RSU1: variants seen among roughly 807,000 people sequenced by gnomAD.
The protein encoded by RSU1 is Ras suppressor protein 1.
RSU1 carries 26 observed loss-of-function variants against 31.1 expected under a neutral mutation model. The observed-to-expected ratio is 0.84, with a 90% CI of 0.61 to 1.16. RSU1 has a LOEUF of 1.16. RSU1 is among the 50% of genes most tolerant of loss of function. The pLI is 0.00. For missense variants in RSU1, 320 were observed against 339.1 expected (o/e 0.94, Z 0.44); for synonymous variants, 164 against 136.3 (o/e 1.20, Z -1.41).
Position 16,636,195 on chromosome 10 carries a change from C to G in RSU1, c.732-42699G>C, listed in dbSNP as rs150458444. ...AATCCTGCCTCCAGATGCCTAGAGC[C>G]ACCTGCCTACTGAATATCTCCACTT... On this transcript the variant is annotated intron_variant, in intron 8 of 8. Transcript: ENST00000345264. 1.2e-3 allele frequency among the ~76,000 whole-genome samples: 177 copies of G among 152,294 alleles called. 1 individual carries two copies. Among genetic ancestry groups the G allele is most frequent in the African/African-American group, 4.1e-3 (170 of 41,560 alleles).
intron 4 of RSU1, among the ~76,000 whole-genome samples, chr10:16,759,521 TA>T (rs1310029517): frequency 6.6e-6 from 1 of 152,006 alleles, no homozygotes; most frequent in Non-Finnish European, 1.5e-5. Flanking sequence ...AATATATAAA[TA>T]AATAATCCAA....
intron 7 of RSU1, among the ~76,000 whole-genome samples, chr10:16,707,527 G>T (rs3951063): frequency 0.44 from 66,340 of 150,814 alleles, 15,133 homozygotes; most frequent in East Asian, 0.7. Context: ...TGTCTGCTTT[G>T]GACACATGTC....
At chr10:16,808,497 A>AC (rs1454571661) in intron 2 of RSU1, among the ~76,000 whole-genome samples, 3 of 151,282 alleles carry the variant, frequency 2.0e-5, no homozygotes, top group Admixed American at 6.6e-5. Flanking sequence ...AAAAAAAAAA[A>AC]AAAAAAAAAC....
chr10:16,665,569 C>G (rs1017144273), intron 8 of RSU1, among the ~76,000 whole-genome samples: 1 of 152,108 alleles, frequency 6.6e-6, no homozygotes, highest in Non-Finnish European at 1.5e-5. Context: ...CACATCTTGT[C>G]CAGATTTTTA....
chr10:16,773,242 T>C (rs1469962803), intron 3 of RSU1, among the ~76,000 whole-genome samples: 1 of 151,096 alleles, frequency 6.6e-6, no homozygotes, highest in Admixed American at 6.6e-5. Flanking sequence ...ATCCATCAAA[T>C]CCATCAAGAG....
At chr10:16,679,069 A>G (rs1171250373) in intron 8 of RSU1, among the ~76,000 whole-genome samples, 2 of 152,272 alleles carry the variant, frequency 1.3e-5, no homozygotes, top group East Asian at 3.8e-4. Flanking sequence ...TAGGGAAGTC[A>G]TAATCTAAGC....
In RSU1 at chr10:16,627,762, CAAAAAAA is replaced by C. The variant is rs74962434; in HGVS notation, c.732-34273_732-34267del. Among the ~76,000 whole-genome samples the C allele has an allele frequency of 4.7e-4, 32 of 67,562 alleles. No individual in the cohort carries two copies. In the East Asian group the frequency reaches 6.5e-3, roughly 14 times the overall value. The allele number at this position is 67,562 out of a possible 152,430, so 44.3% of individuals were successfully genotyped here. A position where few individuals can be genotyped will look rare whatever the true frequency, so the allele number is the denominator to read the frequency against. ...ACAAGAGTGAAACTCCATCTCAATA[CAAAAAAA>C]AAAAAAAAAAAAAGAAGTAACCGAA... On this transcript the variant is annotated intron_variant, in intron 8 of 8. Transcript: ENST00000345264.
chr10:16,757,959 C>T (rs539885762), intron 4 of RSU1, among the ~76,000 whole-genome samples: 16 of 152,350 alleles, frequency 1.1e-4, no homozygotes, highest in Non-Finnish European at 1.8e-4. Flanking sequence ...AGAGGCATCT[C>T]ACCTGAGAGA....
At chr10:16,766,958 T>C (rs1045181004) in intron 3 of RSU1, among the ~76,000 whole-genome samples, 1 of 151,480 alleles carries the variant, frequency 6.6e-6, no homozygotes, top group African/African-American at 2.4e-5. Context: ...GAAGCAGAGG[T>C]TGCAGTGAGC....
intron 8 of RSU1, among the ~76,000 whole-genome samples, chr10:16,659,230 A>C (rs1429068618): frequency 6.6e-6 from 1 of 151,138 alleles, no homozygotes; most frequent in African/African-American, 2.4e-5. Context: ...TGAATTTATT[A>C]ATCTTTCCTT....
chr10:16,796,777 A>G (rs1028234553), intron 2 of RSU1, among the ~76,000 whole-genome samples: 2 of 152,212 alleles, frequency 1.3e-5, no homozygotes, highest in Non-Finnish European at 2.9e-5. Context: ...GAAACCCTAC[A>G]TCAAAATAGA....
chr10:16,737,468 A>T (rs879507810), intron 7 of RSU1, among the ~76,000 whole-genome samples: 16 of 152,056 alleles, frequency 1.1e-4, no homozygotes, highest in African/African-American at 2.2e-4. Flanking sequence ...TAAAAAAAAT[A>T]AAAAACCTGT....
rs776590449 is a variant in RSU1 at position 16,754,983 on chromosome 10, G to C, written c.288C>G (p.Asn96Lys). The change falls in exon 5 of 9, where the codon AAC becomes AAG. Residue 96 changes from asparagine to lysine, a missense_variant. Asn to Lys is a moderately conservative substitution (Grantham distance 94). Coordinates refer to ENST00000345264, the MANE Select transcript of RSU1 (RefSeq NM_012425.4). ...QKLKHLNLGM[N>K]RLNTLPRGFG... Reference sequence around the variant, plus strand: ...AGCCTCGTGGCAAAGTGTTCAGCCTGTTCATGCTGTTGCAGGGGGACAAAA... The same window carrying C: ...AGCCTCGTGGCAAAGTGTTCAGCCTCTTCATGCTGTTGCAGGGGGACAAAA... 9 of 1,608,244 alleles carry C rather than the reference G, an allele frequency of 5.6e-6. No individual in the cohort carries two copies. The highest frequency in any genetic ancestry group is 6.8e-6 in the Non-Finnish European group (8 of 1,176,312).
At position 16,663,148 on chromosome 10, in the gene RSU1, T is replaced by C. The variant is rs562509894; in HGVS notation, c.731+31875A>G. Among the ~76,000 whole-genome samples the C allele has an allele frequency of 3.3e-5, 5 of 152,204 alleles. No individual in the cohort carries two copies. The South Asian group carries it at 1.0e-3, about 32-fold the overall frequency. ...TTTAAATATCTTCCAACCAGATCTG[T>C]ATGCGCCATGAGAGCCTGGCAGACA... On this transcript the variant is annotated intron_variant, in intron 8 of 8. Coordinates refer to ENST00000345264, the MANE Select transcript of RSU1 (RefSeq NM_012425.4).
intron 5 of RSU1, among the ~76,000 whole-genome samples, 171 bp downstream of exon 5, chr10:16,754,700 A>G (rs1009066240): frequency 3.9e-5 from 6 of 152,330 alleles, no homozygotes; most frequent in Admixed American, 2.0e-4. Flanking sequence ...ATAACGATCT[A>G]TCAAATGCAC....
chr10:16,714,502 C>T (rs191056731), intron 7 of RSU1, among the ~76,000 whole-genome samples: 106 of 152,256 alleles, frequency 7.0e-4, no homozygotes, highest in Middle Eastern at 3.4e-3. Context: ...GGATGCACCG[C>T]GCTTGGTGGG....
At chr10:16,694,595 A>G (rs964232226) in intron 8 of RSU1, among the ~76,000 whole-genome samples, 3 of 152,122 alleles carry the variant, frequency 2.0e-5, no homozygotes, top group African/African-American at 7.2e-5. Context: ...CTTTTGAGAA[A>G]GGGTCGTGCT....
At chr10:16,802,897 C>T (rs1308248622) in intron 2 of RSU1, among the ~76,000 whole-genome samples, 1 of 152,114 alleles carries the variant, frequency 6.6e-6, no homozygotes, top group Admixed American at 6.6e-5. Context: ...TAAAAAATAT[C>T]TACAAAAAAC....
At chr10:16,667,777 T>C (rs1388212901) in intron 8 of RSU1, among the ~76,000 whole-genome samples, 1 of 152,196 alleles carries the variant, frequency 6.6e-6, no homozygotes, top group Non-Finnish European at 1.5e-5. Context: ...CATGAGGCAC[T>C]GTGCCTGGCC....
Sources: allele counts gnomAD v4.1 joint callset (sites outside exome capture counted in the v4.1 genomes callset), GRCh38; gene constraint gnomAD v4.1.1; transcripts MANE v1.5; gene names NCBI Gene and HGNC (gene_info 2026-07-23, HGNC 2026-07-21).